ACOT11: variants seen among roughly 807,000 people sequenced by gnomAD.
The protein encoded by ACOT11 is acyl-CoA thioesterase 11.
Under a neutral mutation model 77.5 loss-of-function variants are expected in ACOT11, and 69 were observed. That is an observed-to-expected ratio of 0.89 (90% CI 0.73 to 1.09). The LOEUF (loss-of-function observed/expected upper bound fraction) is 1.09, where lower values mean the gene tolerates loss of function less well. Ranked by LOEUF, ACOT11 falls within the 50% of genes least tolerant of loss-of-function variation. The pLI is 0.00. For synonymous variants in ACOT11, 279 were observed against 313.0 expected (o/e 0.89, Z 1.15); for missense variants, 766 against 813.7 (o/e 0.94, Z 0.71).
chr1:54,568,422 T>C (rs1262382356), intron 1 of ACOT11, among the ~76,000 whole-genome samples: 1 of 138,694 alleles, frequency 7.2e-6, no homozygotes, highest in Admixed American at 7.7e-5. Flanking sequence ...TGGAGTACAA[T>C]GGTGCGACCT....
In ACOT11 at chr1:54,608,077, G is replaced by T. The variant is rs115702810; in HGVS notation, c.1629+9G>T. On this transcript the variant is annotated intron_variant, in intron 15 of 15. Coordinates refer to ENST00000343744, the MANE Select transcript of ACOT11 (RefSeq NM_147161.4). Reference sequence around the variant, plus strand: ...GGGACCAGCTGACCAAGGTGAGGCCGGTCCCCCCAACCACGCCCCCAGCCT... The same window carrying T: ...GGGACCAGCTGACCAAGGTGAGGCCTGTCCCCCCAACCACGCCCCCAGCCT... 1 of 1,605,764 alleles carries T rather than the reference G, an allele frequency of 6.2e-7. No individual in the cohort carries two copies. Among genetic ancestry groups the T allele is most frequent in the South Asian group, 1.1e-5 (1 of 90,696 alleles).
intron 15 of ACOT11, among the ~76,000 whole-genome samples, chr1:54,617,871 GCAC>G (rs1391781106): frequency 1.3e-5 from 2 of 151,562 alleles, no homozygotes; most frequent in Non-Finnish European, 2.9e-5. Flanking sequence ...CTACAGGTAT[GCAC>G]CACCACCATG....
At chr1:54,624,994 A>C (rs911142714) in intron 15 of ACOT11, among the ~76,000 whole-genome samples, 1 of 151,922 alleles carries the variant, frequency 6.6e-6, no homozygotes. Flanking sequence ...GTTTGAGGAC[A>C]GGGAGGTTCT....
At chr1:54,633,747 G>A (rs910210070) in intron 16 of ACOT11, among the ~76,000 whole-genome samples, 5 of 152,152 alleles carry the variant, frequency 3.3e-5, no homozygotes, top group Non-Finnish European at 5.9e-5. Context: ...AATTGGATAC[G>A]ACCTGCTCTA....
At chr1:54,608,859 G>A in intron 15 of ACOT11, 98 bp from the exon 16 acceptor site, 1 of 1,240,972 alleles carries the variant, frequency 8.1e-7, no homozygotes, top group Non-Finnish European at 1.2e-6. Context: ...AGGCCAGCAA[G>A]GCTGACTCAC....
At position 54,607,950 on chromosome 1, in the gene ACOT11, A is replaced by T; in HGVS notation, c.1511A>T (p.Tyr504Phe). Residue 504 changes from tyrosine to phenylalanine, a missense_variant, in exon 15 of 16, where the codon TAT becomes TTT. Transcript: ENST00000343744. The surrounding 1 kb of genome is among the most constrained non-coding windows in gnomAD (Gnocchi z 4.5). Reference protein sequence around the residue: ...RRKPCDNGDPYVIALRSVTLP... With the variant: ...RRKPCDNGDPFVIALRSVTLP... ...ACCCTTCCTTCACTCAGGGACCCCT[A>T]TGTCATCGCGCTGAGGTCGGTCACG... The T allele has an allele frequency of 6.2e-7, 1 of 1,613,010 alleles. No individual in the cohort carries two copies. Among genetic ancestry groups the T allele is most frequent in the Non-Finnish European group, 8.5e-7 (1 of 1,179,586 alleles).
intron 15 of ACOT11, among the ~76,000 whole-genome samples, chr1:54,617,709 A>ATTTTTTTTTT (rs56229276): frequency 2.2e-4 from 12 of 55,766 alleles, no homozygotes; most frequent in Non-Finnish European, 2.4e-4. Context: ...AGGGCCTGAG[A>ATTTTTTTTTT]TTTTTTTTTT....
rs935658887 is a variant in ACOT11, at chr1:54,599,082, G to T, written c.765-214G>T. The stretch of plus-strand genomic sequence containing the variant: ...AATTGCTTGAACCCAGGAGGCAGAA[G>T]TTACAGTGAGCCGAGATCCTGCCAT... On this transcript the variant is annotated intron_variant, in intron 7 of 15. Coordinates refer to ENST00000343744, the MANE Select transcript of ACOT11 (RefSeq NM_147161.4). Among the ~76,000 whole-genome samples, 3 of 132,232 alleles carry T rather than the reference G, an allele frequency of 2.3e-5. No homozygotes were observed. In the Admixed American group the frequency reaches 2.5e-4, roughly 11 times the overall value. 86.7% of individuals were successfully genotyped at this position (132,232 alleles called of 152,430 possible).
At chr1:54,556,086 A>C (rs1039320942) in intron 1 of ACOT11, among the ~76,000 whole-genome samples, 1 of 151,898 alleles carries the variant, frequency 6.6e-6, no homozygotes. Context: ...GATTGATTTC[A>C]TTTTTCTACA....
rs548342281 is a variant in ACOT11 at position 54,584,819 on chromosome 1, C to T, written c.198C>T (p.Val66=). Residue 66 remains valine (V), a synonymous_variant, in exon 2 of 16, where the codon GTC becomes GTT. Transcript: ENST00000343744. The surrounding 1 kb of genome is among the most constrained non-coding windows in gnomAD (Gnocchi z 6.3). ...CCAACCAACGTGGTGAGCTGAGCGT[C>T]GGGCAGCTGCTCAAGTGGATTGACA... ...CHTNQRGELS[V]GQLLKWIDTT... 26 of 1,614,018 alleles carry T rather than the reference C, an allele frequency of 1.6e-5. No individual in the cohort carries two copies. Among genetic ancestry groups the T allele is most frequent in the Middle Eastern group, 1.7e-4 (1 of 6,056 alleles).
At chr1:54,558,418 G>A (rs1370517462) in intron 1 of ACOT11, among the ~76,000 whole-genome samples, 2 of 152,230 alleles carry the variant, frequency 1.3e-5, no homozygotes, top group Non-Finnish European at 2.9e-5. Flanking sequence ...GACAGGTTAA[G>A]TAAGTTGCCC....
intron 1 of ACOT11, among the ~76,000 whole-genome samples, chr1:54,557,545 G>T (rs1653305922): frequency 6.6e-6 from 1 of 152,134 alleles, no homozygotes; most frequent in Non-Finnish European, 1.5e-5. Context: ...CTCCTGAGTA[G>T]CTGGAATTAC....
At chr1:54,606,074 G>A (rs895838241) in intron 13 of ACOT11, among the ~76,000 whole-genome samples, 6 of 152,156 alleles carry the variant, frequency 3.9e-5, no homozygotes, top group African/African-American at 1.4e-4. Flanking sequence ...TCCAGAGCAG[G>A]CTTGTAGCTC....
chr1:54,555,529 G>A (rs760063036), intron 1 of ACOT11, among the ~76,000 whole-genome samples: 14 of 152,004 alleles, frequency 9.2e-5, no homozygotes, highest in Non-Finnish European at 1.9e-4. Context: ...TCTGTAGGTT[G>A]TCTCTTAACT....
intron 5 of ACOT11, 42 bp downstream of exon 5, chr1:54,594,081 C>T (rs533155718): frequency 6.4e-7 from 1 of 1,572,774 alleles, no homozygotes; most frequent in East Asian, 2.2e-5. Flanking sequence ...GCTCAGTGAC[C>T]TGGGCACCTG....
chr1:54,614,861 T>C, downstream of ACOT11: 1 of 1,613,050 alleles, frequency 6.2e-7, no homozygotes, highest in Non-Finnish European at 8.5e-7. Flanking sequence ...GTTTGATGCC[T>C]GTGGGGAAAG....
chr1:54,596,224 G>C (rs756122024), intron 6 of ACOT11, among the ~76,000 whole-genome samples: 6 of 152,012 alleles, frequency 3.9e-5, no homozygotes, highest in Admixed American at 3.9e-4. Context: ...TCCCCGTCCT[G>C]TCTCCAGACC....
At chr1:54,632,943 G>A (rs565773850) in intron 16 of ACOT11, among the ~76,000 whole-genome samples, 1 of 152,256 alleles carries the variant, frequency 6.6e-6, no homozygotes, top group African/African-American at 2.4e-5. Flanking sequence ...GGGAAGAGAT[G>A]TATTACAACA....
chr1:54,571,067 C>T (rs981344546), intron 1 of ACOT11, among the ~76,000 whole-genome samples: 1 of 141,086 alleles, frequency 7.1e-6, no homozygotes, highest in African/African-American at 3.2e-5. Context: ...GATATTCTCT[C>T]TCTCTTTTTT....
Sources: gnomAD v4.1 joint callset for allele counts (sites outside exome capture counted in the v4.1 genomes callset) on GRCh38, gnomAD v4.1.1 for gene constraint, Gnocchi (gnomAD v3.1) non-coding constraint, MANE v1.5 for transcripts, NCBI Gene and HGNC (gene_info 2026-07-23, HGNC 2026-07-21) for gene names.